TBC1D22A: variants seen among roughly 807,000 people sequenced by gnomAD.
TBC1D22A encodes putative GTPase activator.
TBC1D22A carries 38 observed loss-of-function variants against 60.2 expected under a neutral mutation model. The ratio of observed to expected loss-of-function variants is 0.63; its 90% confidence interval spans 0.49 to 0.83. TBC1D22A has a LOEUF of 0.83. Among genes scored for constraint, TBC1D22A ranks in the 40% least tolerant of loss-of-function variants. The pLI is 0.00. For missense variants in TBC1D22A, 628 were observed against 701.0 expected, an observed-to-expected ratio of 0.90 and a Z score of 1.18; for synonymous variants, 302 against 281.7, an observed-to-expected ratio of 1.07 and a Z score of -0.72.
intron 4 of TBC1D22A, among the ~76,000 whole-genome samples, chr22:46,874,622 G>A (rs2067457327): frequency 8.3e-6 from 1 of 120,150 alleles, no homozygotes; most frequent in South Asian, 2.9e-4. Flanking sequence ...CACCCAGGCT[G>A]GAATGCAGTG....
chr22:47,011,743 T>G (rs892069932), intron 10 of TBC1D22A, among the ~76,000 whole-genome samples: 4 of 152,208 alleles, frequency 2.6e-5, no homozygotes, highest in Non-Finnish European at 5.9e-5. Context: ...TTGGGTTTTC[T>G]TCTTAGCTTT....
At chr22:47,122,920 C>G (rs1284188962) in intron 12 of TBC1D22A, among the ~76,000 whole-genome samples, 2 of 152,182 alleles carry the variant, frequency 1.3e-5, no homozygotes, top group Non-Finnish European at 2.9e-5. Context: ...CCTATTTGGA[C>G]TTTGGGGTCT....
At chr22:46,997,299 TTC>T (rs1491029019) in intron 9 of TBC1D22A, among the ~76,000 whole-genome samples, 119 of 152,336 alleles carry the variant, frequency 7.8e-4, no homozygotes, top group African/African-American at 2.8e-3. Context: ...CCACAGACGG[TTC>T]TGGTCAATGA....
intron 11 of TBC1D22A, among the ~76,000 whole-genome samples, chr22:47,088,544 C>G (rs1943316591): frequency 6.6e-6 from 1 of 152,188 alleles, no homozygotes; most frequent in Admixed American, 6.5e-5. Context: ...AGGGCACCAA[C>G]TGGTATATAA....
chr22:47,108,626 T>C (rs1373183934), intron 11 of TBC1D22A, among the ~76,000 whole-genome samples: 1 of 152,256 alleles, frequency 6.6e-6, no homozygotes, highest in African/African-American at 2.4e-5. Flanking sequence ...GTTGTGATGG[T>C]GTTTTCACAG....
intron 2 of TBC1D22A, 27 bp from the exon 3 acceptor site, chr22:46,793,474 C>T (rs200012740): frequency 1.7e-5 from 27 of 1,610,362 alleles, no homozygotes; most frequent in African/African-American, 4.0e-5. Context: ...CGAGCATGTA[C>T]GAGTAAAGAC....
At chr22:47,090,066 C>T (rs1209035926) in intron 11 of TBC1D22A, among the ~76,000 whole-genome samples, 5 of 152,176 alleles carry the variant, frequency 3.3e-5, no homozygotes, top group African/African-American at 4.8e-5. Flanking sequence ...GCGCAGCGGT[C>T]CCGTGCTAGG....
chr22:46,832,595 G>A (rs970726325), intron 4 of TBC1D22A, among the ~76,000 whole-genome samples: 8 of 152,184 alleles, frequency 5.3e-5, no homozygotes, highest in African/African-American at 1.9e-4. Context: ...GCAGTGAGCC[G>A]AGATCGCGCC....
chr22:46,934,687 C>T (rs1377567416), intron 8 of TBC1D22A, among the ~76,000 whole-genome samples: 3 of 152,222 alleles, frequency 2.0e-5, no homozygotes, highest in Admixed American at 2.0e-4. Flanking sequence ...GGACACGTCA[C>T]CCACTTCCAG....
intron 4 of TBC1D22A, among the ~76,000 whole-genome samples, chr22:46,845,143 G>A (rs570879827): frequency 6.6e-6 from 1 of 152,324 alleles, no homozygotes; most frequent in South Asian, 2.1e-4. Flanking sequence ...TTGTTGATCC[G>A]TGGAGGAAAG....
intron 4 of TBC1D22A, among the ~76,000 whole-genome samples, chr22:46,830,920 T>A (rs2086280576): frequency 6.6e-6 from 1 of 151,844 alleles, no homozygotes; most frequent in Admixed American, 6.6e-5. Context: ...AAGAAAAGCT[T>A]TAAGAGGTAT....
intron 7 of TBC1D22A, among the ~76,000 whole-genome samples, chr22:46,909,653 C>T (rs2069757136): frequency 1.3e-5 from 2 of 152,152 alleles, no homozygotes; most frequent in African/African-American, 4.8e-5. Flanking sequence ...CCTTCTGTTG[C>T]TGCTGCTCCT....
chr22:46,799,559 G>A (rs537078032), intron 4 of TBC1D22A, among the ~76,000 whole-genome samples: 22 of 152,334 alleles, frequency 1.4e-4, no homozygotes, highest in African/African-American at 5.3e-4. Context: ...AGTTGTCCCA[G>A]TAATGTCCTT....
intron 5 of TBC1D22A, among the ~76,000 whole-genome samples, chr22:46,881,689 A>G (rs1049772201): frequency 3.3e-5 from 5 of 152,194 alleles, no homozygotes; most frequent in Non-Finnish European, 5.9e-5. Flanking sequence ...AGAACTGGGA[A>G]GGGACAGGTA....
intron 8 of TBC1D22A, among the ~76,000 whole-genome samples, chr22:46,941,878 A>AAT (rs2072175104): frequency 1.4e-5 from 2 of 147,674 alleles, no homozygotes; most frequent in Non-Finnish European, 3.0e-5. Context: ...ATGTGTATAG[A>AAT]ATATGTATAG....
intron 8 of TBC1D22A, among the ~76,000 whole-genome samples, chr22:46,966,020 G>C (rs6008009): frequency 0.2 from 30,640 of 152,112 alleles, 5,740 homozygotes; most frequent in African/African-American, 0.5. Flanking sequence ...GGGGCCCTGT[G>C]CTGAGGGTAC....
At chr22:47,130,270 G>A (rs1441600814) in intron 12 of TBC1D22A, among the ~76,000 whole-genome samples, 4 of 152,190 alleles carry the variant, frequency 2.6e-5, no homozygotes, top group African/African-American at 4.8e-5. Flanking sequence ...TACACCTCGT[G>A]TCCTCTGGGA....
At chr22:47,025,077 T>C (rs1249921438) in intron 10 of TBC1D22A, among the ~76,000 whole-genome samples, 1 of 152,244 alleles carries the variant, frequency 6.6e-6, no homozygotes, top group Non-Finnish European at 1.5e-5. Context: ...TAATTTTAAG[T>C]GTTTATGCGT....
intron 11 of TBC1D22A, among the ~76,000 whole-genome samples, chr22:47,077,372 G>C (rs1447942855): frequency 6.6e-6 from 1 of 152,178 alleles, no homozygotes; most frequent in Non-Finnish European, 1.5e-5. Context: ...TGACTTACTT[G>C]TGGCTAAGGG....
Sources: allele counts gnomAD v4.1 joint callset (sites outside exome capture counted in the v4.1 genomes callset), GRCh38; gene constraint gnomAD v4.1.1; transcripts MANE v1.5; gene names NCBI Gene and HGNC (gene_info 2026-07-23, HGNC 2026-07-21).